The following KIAA0232 variants were observed in gnomAD, a reference collection of about 807,000 sequenced individuals.
The protein encoded by KIAA0232 is KIAA0232, also known as uncharacterized protein KIAA0232.
Under a neutral mutation model 122.0 loss-of-function variants are expected in KIAA0232, and 27 were observed. The observed-to-expected ratio is 0.22, with a 90% CI of 0.16 to 0.31. KIAA0232 has a LOEUF of 0.31. Ranked by LOEUF, KIAA0232 falls within the 10% of genes least tolerant of loss-of-function variation. The pLI, the probability that KIAA0232 is intolerant of heterozygous loss-of-function variation, is 1.00. For missense variants in KIAA0232, 1,551 were observed against 1,634.2 expected, an observed-to-expected ratio of 0.95 and a Z score of 0.88; for synonymous variants, 613 against 587.6, an observed-to-expected ratio of 1.04 and a Z score of -0.63.
intron 2 of KIAA0232, among the ~76,000 whole-genome samples, chr4:6,817,922 C>T (rs1718213081): frequency 6.6e-6 from 1 of 152,028 alleles, no homozygotes; most frequent in Non-Finnish European, 1.5e-5. Context: ...ATGAATTGAC[C>T]TTCTTTATCT....
chr4:6,871,271 A>C (rs1721468179), intron 7 of KIAA0232, among the ~76,000 whole-genome samples: 1 of 152,072 alleles, frequency 6.6e-6, no homozygotes, highest in South Asian at 2.1e-4. Context: ...CATTTCTACA[A>C]AAAGCACAAA....
Position 6,863,060 on chromosome 4 carries a change from T to C in KIAA0232, c.2678T>C (p.Leu893Pro). The stretch of plus-strand genomic sequence containing the variant: ...CTGTGGGAGGGACAGAAAGAGAGCC[T>C]GGAGAAAAGAGCATTTGCTTCTAGT... The part of the protein sequence containing the change: ...YHLWEGQKES[L>P]EKRAFASSEL... Residue 893 changes from leucine to proline, a missense_variant, in exon 7 of 10, where the codon CTG (leucine) becomes CCG (proline). Around this residue, in one of 5 missense-constraint regions of KIAA0232, gnomAD observed 1,108 missense variants for 1,154.8 expected, o/e 0.96. Coordinates refer to ENST00000307659, the MANE Select transcript of KIAA0232 (RefSeq NM_014743.3). 6.2e-7 allele frequency: 1 copy of C among 1,614,206 alleles called. No individual in the cohort carries two copies. The highest frequency in any genetic ancestry group is 1.7e-5 in the Admixed American group (1 of 60,020).
chr4:6,858,046 G>C (rs1720653128), intron 5 of KIAA0232, among the ~76,000 whole-genome samples: 1 of 152,220 alleles, frequency 6.6e-6, no homozygotes, highest in Non-Finnish European at 1.5e-5. Context: ...TTTTGGTCAA[G>C]ATGAGTCAAT....
intron 9 of KIAA0232, 144 bp from the exon 10 acceptor site, chr4:6,880,643 T>C: frequency 1.8e-6 from 1 of 543,328 alleles, no homozygotes; most frequent in Non-Finnish European, 2.9e-6. Flanking sequence ...GGTTTTGCTC[T>C]GAAACAGTAA....
intron 1 of KIAA0232, among the ~76,000 whole-genome samples, chr4:6,784,780 C>A (rs753561804): frequency 1.3e-5 from 2 of 152,110 alleles, no homozygotes; most frequent in African/African-American, 4.8e-5. Context: ...GAATATTATT[C>A]TTATTTATTT....
chr4:6,857,318 A>G (rs1720618219), intron 5 of KIAA0232, 88 bp downstream of exon 5: 2 of 1,170,036 alleles, frequency 1.7e-6, no homozygotes, highest in Non-Finnish European at 2.4e-6. Context: ...TGATCAGAAA[A>G]GAAAACAACC....
chr4:6,784,057 T>C (rs894294715), intron 1 of KIAA0232, among the ~76,000 whole-genome samples: 2 of 152,074 alleles, frequency 1.3e-5, no homozygotes, highest in Non-Finnish European at 2.9e-5. Context: ...TTTTGCCACC[T>C]TTCCGTTTTT....
intron 2 of KIAA0232, among the ~76,000 whole-genome samples, chr4:6,810,597 A>G (rs1004514065): frequency 6.6e-6 from 1 of 152,192 alleles, no homozygotes; most frequent in African/African-American, 2.4e-5. Context: ...TCGAAACCAA[A>G]AAGCTTCAGC....
intron 5 of KIAA0232, 151 bp downstream of exon 5, chr4:6,857,381 T>C (rs1720621602): frequency 1.9e-6 from 1 of 538,184 alleles, no homozygotes; most frequent in South Asian, 3.4e-5. Context: ...TCATGCTCCA[T>C]CTGCAGCTCT....
At chr4:6,795,172 G>T (rs903410627) in intron 1 of KIAA0232, among the ~76,000 whole-genome samples, 2 of 152,156 alleles carry the variant, frequency 1.3e-5, no homozygotes, top group African/African-American at 4.8e-5. Context: ...CCGGGTTCAT[G>T]CCATTCTCTT....
At chr4:6,811,045 T>C (rs969629769) in intron 2 of KIAA0232, among the ~76,000 whole-genome samples, 9 of 152,232 alleles carry the variant, frequency 5.9e-5, no homozygotes, top group Non-Finnish European at 1.2e-4. Context: ...GTATGGCGAT[T>C]TCTTAAAGAA....
At chr4:6,849,753 C>T (rs564356373) in intron 4 of KIAA0232, among the ~76,000 whole-genome samples, 2 of 149,730 alleles carry the variant, frequency 1.3e-5, no homozygotes, top group East Asian at 2.0e-4. Flanking sequence ...GGTGACAGAG[C>T]GAGACTCGGT....
intron 1 of KIAA0232, among the ~76,000 whole-genome samples, chr4:6,787,141 A>ACTGG (rs1158580135): frequency 7.1e-6 from 1 of 140,934 alleles, no homozygotes; most frequent in Non-Finnish European, 1.5e-5. Flanking sequence ...AGATCACACC[A>ACTGG]CTGGACTCCA....
intron 8 of KIAA0232, among the ~76,000 whole-genome samples, chr4:6,873,775 C>G (rs1721616021): frequency 6.6e-6 from 1 of 152,142 alleles, no homozygotes; most frequent in Non-Finnish European, 1.5e-5. Context: ...GTAATTATTT[C>G]TTTTGAATGA....
At chr4:6,791,576 G>A (rs916738379) in intron 1 of KIAA0232, among the ~76,000 whole-genome samples, 2 of 151,976 alleles carry the variant, frequency 1.3e-5, no homozygotes, top group Admixed American at 1.3e-4. Context: ...CGATGCTCCT[G>A]CCTCTGCCTC....
intron 9 of KIAA0232, among the ~76,000 whole-genome samples, chr4:6,879,953 CT>C (rs1560216004): frequency 1.0e-4 from 13 of 126,858 alleles, no homozygotes; most frequent in East Asian, 4.8e-4. Flanking sequence ...GCAGTGCCCC[CT>C]CACCATCTGT....
At chr4:6,794,644 G>A (rs781063235) in intron 1 of KIAA0232, among the ~76,000 whole-genome samples, 51 of 152,258 alleles carry the variant, frequency 3.3e-4, no homozygotes, top group South Asian at 1.7e-3. Flanking sequence ...AGAAAGATGT[G>A]GAGATACCTG....
At chr4:6,851,203 C>G (rs1720265106) in intron 4 of KIAA0232, among the ~76,000 whole-genome samples, 3 of 152,124 alleles carry the variant, frequency 2.0e-5, no homozygotes, top group Admixed American at 1.3e-4. Context: ...GTTCATCCTT[C>G]CTAGATTAAA....
chr4:6,832,395 C>T (rs1719037542), intron 3 of KIAA0232, among the ~76,000 whole-genome samples: 1 of 147,142 alleles, frequency 6.8e-6, no homozygotes, highest in Non-Finnish European at 1.5e-5. Flanking sequence ...GTTGCCTAGG[C>T]TGGAGTGTAG....
Sources: gnomAD v4.1 joint callset for allele counts (sites outside exome capture counted in the v4.1 genomes callset) on GRCh38, gnomAD v4.1.1 for gene constraint, gnomAD v4.1.1 regional missense constraint, MANE v1.5 for transcripts, NCBI Gene and HGNC (gene_info 2026-07-23, HGNC 2026-07-21) for gene names.